ACO1: variants seen among roughly 807,000 people sequenced by gnomAD.
ACO1 encodes cytoplasmic aconitate hydratase.
A neutral mutation model predicts 105.1 loss-of-function variants in ACO1; 78 were observed. The ratio of observed to expected loss-of-function variants is 0.74; its 90% CI spans 0.62 to 0.90. ACO1 has a LOEUF of 0.90. Among genes scored for constraint, ACO1 ranks in the 40% least tolerant of loss-of-function variants. ACO1 has a pLI of 0.00. For synonymous variants in ACO1, 364 were observed against 397.4 expected, an observed-to-expected ratio of 0.92 and a Z score of 1.00; for missense variants, 965 against 1,111.1, an observed-to-expected ratio of 0.87 and a Z score of 1.87.
intron 11 of ACO1, 59 bp downstream of exon 11, chr9:32,426,056 A>C (rs1822087327): frequency 3.8e-6 from 6 of 1,571,040 alleles, no homozygotes. Context: ...AAATAGCCCG[A>C]GACAGGGCCC....
chr9:32,405,737 GCACT>G (rs1357022983), intron 2 of ACO1, 134 bp downstream of exon 2: 3 of 634,690 alleles, frequency 4.7e-6, no homozygotes, highest in Non-Finnish European at 8.2e-6. Flanking sequence ...AAGTGCACAA[GCACT>G]CACATGCCTT....
chr9:32,387,135 A>G (rs1821172239), intron 1 of ACO1, among the ~76,000 whole-genome samples: 1 of 152,182 alleles, frequency 6.6e-6, no homozygotes, highest in Non-Finnish European at 1.5e-5. Flanking sequence ...TTCCTTCTAC[A>G]TAGGAAGTAA....
chr9:32,396,018 C>G (rs915023919), intron 1 of ACO1, among the ~76,000 whole-genome samples: 1 of 152,206 alleles, frequency 6.6e-6, no homozygotes, highest in Non-Finnish European at 1.5e-5. Context: ...TATAGCGTGG[C>G]CCTGGTTCCC....
chr9:32,398,319 G>A lies in ACO1; in HGVS notation c.-22-7166G>A, dbSNP rs1317944662. Among the ~76,000 whole-genome samples the A allele has an allele frequency of 1.3e-5, 2 of 152,052 alleles. 1 individual carries two copies. Among genetic ancestry groups the A allele is most frequent in the South Asian group, 4.2e-4 (2 of 4,818 alleles). On this transcript the variant is annotated intron_variant, in intron 1 of 20. Transcript: ENST00000309951. ...CTTGGCATTTAGCTTAAAGTAAGTC[G>A]ACTGTTCCAAACATCTCTACAAATC...
intron 1 of ACO1, among the ~76,000 whole-genome samples, chr9:32,399,098 T>C (rs1224977361): frequency 1.3e-5 from 2 of 152,218 alleles, no homozygotes; most frequent in African/African-American, 4.8e-5. Flanking sequence ...ATTTTAGGGC[T>C]GTCTGTCATT....
Position 32,442,539 on chromosome 9 carries a change from A to ATACTT in ACO1, c.2370+1955_2370+1959dup, listed in dbSNP as rs575237942. Among the ~76,000 whole-genome samples the ATACTT allele has an allele frequency of 5.3e-5, 8 of 152,300 alleles. No homozygotes were observed. In the South Asian group the frequency reaches 1.7e-3, roughly 32 times the overall value. On this transcript the variant is annotated intron_variant, in intron 19 of 20. Transcript: ENST00000309951. ...GCCAATTATAGATTCCCAATAAAACATACTTTAAGCTTAATATCAAGACTA... is the reference window on the plus strand; with the variant it reads ...GCCAATTATAGATTCCCAATAAAACATACTTTACTTTAAGCTTAATATCAAGACTA...
intron 3 of ACO1, among the ~76,000 whole-genome samples, chr9:32,408,047 G>A (rs1821652767): frequency 6.6e-6 from 1 of 152,106 alleles, no homozygotes; most frequent in African/African-American, 2.4e-5. Flanking sequence ...ATACTTTTAA[G>A]CGAAAAAGAG....
chr9:32,402,072 G>A lies in ACO1; in HGVS notation c.-22-3413G>A, dbSNP rs7027161. The stretch of plus-strand genomic sequence containing the variant: ...GTTCATCTGTCTTCCTTGATTCAGT[G>A]GCCAGGGACAAGTGTTCAGCTGTCT... On this transcript the variant is annotated intron_variant, in intron 1 of 20. Coordinates refer to ENST00000309951, the MANE Select transcript of ACO1 (RefSeq NM_002197.3). Among the ~76,000 whole-genome samples the A allele has an allele frequency of 2.0e-3, 308 of 152,342 alleles. 3 individuals are homozygous for A. Among genetic ancestry groups the A allele is most frequent in the African/African-American group, 7.1e-3 (296 of 41,588 alleles).
intron 8 of ACO1, among the ~76,000 whole-genome samples, chr9:32,421,679 A>C (rs888282513): frequency 6.6e-6 from 1 of 152,206 alleles, no homozygotes; most frequent in Admixed American, 6.5e-5. Context: ...CGAAACTCCC[A>C]GGAGGTGGAG....
intron 13 of ACO1, 34 bp downstream of exon 13, chr9:32,429,537 A>C: frequency 6.4e-7 from 1 of 1,573,548 alleles, no homozygotes; most frequent in Non-Finnish European, 8.7e-7. Flanking sequence ...TCTTCAGAGC[A>C]GTTGTTTCTT....
chr9:32,431,193 A>T (rs1822227081), intron 14 of ACO1, among the ~76,000 whole-genome samples: 1 of 152,236 alleles, frequency 6.6e-6, no homozygotes, highest in Admixed American at 6.5e-5. Flanking sequence ...CAAAGGGGTG[A>T]AAACTTTATA....
rs1307803303 is a variant in ACO1, at chr9:32,452,764, G to C, written c.*2653G>C. 6.6e-6 allele frequency: 1 copy of C among 151,330 alleles called. No homozygotes were observed. The highest frequency in any genetic ancestry group is 1.5e-5 in the Non-Finnish European group (1 of 67,960). The allele number at this position is 151,330 out of a possible 1,614,324, so 9.4% of individuals were successfully genotyped here. On this transcript the variant is annotated 3_prime_UTR_variant, in exon 21 of 21. Coordinates refer to ENST00000309951, the MANE Select transcript of ACO1 (RefSeq NM_002197.3). ...GGGTTGCTTGAGCCCAGAAGTTTGA[G>C]ACCAGCCTGGGCAACACTCTACAAA...
chr9:32,440,667 C>T lies in ACO1; in HGVS notation c.2370+80C>T, dbSNP rs570683276. 7.1e-5 allele frequency: 108 copies of T among 1,526,576 alleles called. No individual in the cohort carries two copies. In the East Asian group the frequency reaches 2.5e-3, roughly 35 times the overall value. 94.6% of individuals were successfully genotyped at this position (1,526,576 alleles called of 1,614,324 possible). On this transcript the variant is annotated intron_variant, in intron 19 of 20. Transcript: ENST00000309951. ...CCCAGGCACAAATCCTGTTGCTTTA[C>T]TTTCCAAGAAGATGTCAAGGAAGAG...
chr9:32,389,652 T>C (rs1231723432), intron 1 of ACO1, among the ~76,000 whole-genome samples: 1 of 149,186 alleles, frequency 6.7e-6, no homozygotes, highest in African/African-American at 2.5e-5. Context: ...TCTCCCTAGA[T>C]CGACTGGCCT....
intron 1 of ACO1, among the ~76,000 whole-genome samples, chr9:32,387,969 C>T (rs936234683): frequency 1.3e-5 from 2 of 152,122 alleles, no homozygotes; most frequent in South Asian, 2.1e-4. Context: ...ATGGACGTAG[C>T]GGGCAGTAGT....
rs764574685 is a variant in ACO1 at position 32,436,270 on chromosome 9, A to T, written c.2120A>T (p.Asn707Ile). The T allele has an allele frequency of 1.8e-5, 29 of 1,613,716 alleles. No individual in the cohort carries two copies. Among genetic ancestry groups the T allele is most frequent in the African/African-American group, 1.3e-5 (1 of 74,926 alleles). The change falls in exon 18 of 21, where the codon AAC (asparagine) becomes ATC (isoleucine). Residue 707 changes from asparagine to isoleucine, a missense_variant. Physicochemically the swap from Asn to Ile is moderately radical, Grantham distance 149. Transcript: ENST00000309951. ...TNRGLTPREF[N>I]SYGSRRGNDA... ...CTTAGCCTAACTCCACGAGAATTCA[A>T]CTCCTATGGCTCCCGCCGAGGTAAT...
At position 32,450,426 on chromosome 9, in the gene ACO1, T is replaced by C; in HGVS notation, c.*315T>C. The C allele has an allele frequency of 2.6e-6, 1 of 391,178 alleles. No individual in the cohort carries two copies. Among genetic ancestry groups the C allele is most frequent in the South Asian group, 2.2e-5 (1 of 46,008 alleles). The allele number at this position is 391,178 out of a possible 1,614,324, so 24.2% of individuals were successfully genotyped here. A position where few individuals can be genotyped will look rare whatever the true frequency, so the allele number is the denominator to read the frequency against. On this transcript the variant is annotated 3_prime_UTR_variant, in exon 21 of 21. Coordinates refer to ENST00000309951, the MANE Select transcript of ACO1 (RefSeq NM_002197.3). The stretch of plus-strand genomic sequence containing the variant: ...AGGACGTTGCTTTTTCACTGTTTCC[T>C]ATTAATCTTCAGCTGAACACAAGCA...
In ACO1 at chr9:32,433,751, C is replaced by G; in HGVS notation, c.1875C>G (p.Ala625=). 1 of 1,612,130 alleles carries G rather than the reference C, an allele frequency of 6.2e-7. No homozygotes were observed. The highest frequency in any genetic ancestry group is 8.5e-7 in the Non-Finnish European group (1 of 1,179,528). ...AGACTGTGAATGAAAGCTGGAATGC[C>G]TTAGCAACCCCATCAGATAAGCTGT... The part of the protein sequence containing the change: ...KIETVNESWN[A]LATPSDKLFF... Residue 625 remains alanine (A), a synonymous_variant, in exon 16 of 21, where the codon GCC becomes GCG. Transcript: ENST00000309951.
chr9:32,399,966 G>GTTTTTTGTTTT (rs1821455017), intron 1 of ACO1, among the ~76,000 whole-genome samples: 5 of 69,838 alleles, frequency 7.2e-5, no homozygotes, highest in Admixed American at 2.2e-4. Context: ...TTCTTTTTCT[G>GTTTTTTGTTTT]TTTTTTTTTT....
Sources: allele counts gnomAD v4.1 joint callset (sites outside exome capture counted in the v4.1 genomes callset), GRCh38; gene constraint gnomAD v4.1.1; transcripts MANE v1.5; gene names NCBI Gene and HGNC (gene_info 2026-07-23, HGNC 2026-07-21).